Variants in BMPR2 observed in about 807,000 individuals in gnomAD.
BMPR2 encodes the protein bone morphogenetic protein receptor type 2, also known as bone morphogenetic protein receptor type-2.
In BMPR2, 29 loss-of-function variants were observed where a neutral mutation model predicts 100.8. The ratio of observed to expected loss-of-function variants is 0.29; its 90% CI spans 0.21 to 0.39. BMPR2 has a LOEUF of 0.39. Among genes scored for constraint, BMPR2 ranks in the 10% least tolerant of loss-of-function variants. The pLI is 1.00. For synonymous variants in BMPR2, 382 were observed against 442.3 expected (o/e 0.86, Z 1.71); for missense variants, 1,011 against 1,274.5 (o/e 0.79, Z 3.15).
intron 3 of BMPR2, among the ~76,000 whole-genome samples, chr2:202,478,415 T>C (rs1338728512): frequency 6.6e-6 from 1 of 152,192 alleles, no homozygotes; most frequent in African/African-American, 2.4e-5. Context: ...GAAGGCTATG[T>C]ATTTGGAATG....
chr2:202,429,357 ACTC>A (rs938162672), intron 1 of BMPR2, among the ~76,000 whole-genome samples: 9 of 120,750 alleles, frequency 7.5e-5, no homozygotes, highest in African/African-American at 2.1e-4. Flanking sequence ...TCCTACTACT[ACTC>A]CCCCTTTCCC....
intron 1 of BMPR2, among the ~76,000 whole-genome samples, chr2:202,422,012 G>A (rs1317771308): frequency 2.6e-5 from 4 of 151,522 alleles, no homozygotes; most frequent in Admixed American, 6.6e-5. Context: ...AGGTTCAAGC[G>A]GTTCTCCTGC....
chr2:202,555,316 T>G lies in BMPR2; in HGVS notation c.1651T>G (p.Tyr551Asp). ...TTATCCAGATTATTCTTCCTCCTCA[T>G]ACATTGAAGACTCTATCCATCATAC... ...GPYPDYSSSS[Y>D]IEDSIHHTDS... The change falls in exon 12 of 13, where the codon TAC becomes GAC. Residue 551 changes from tyrosine (Y) to aspartate (D), a missense_variant. Around this residue, in one of 6 missense-constraint regions of BMPR2, gnomAD observed 508 missense variants for 552.0 expected, o/e 0.92. Transcript: ENST00000374580. 6.2e-7 allele frequency: 1 copy of G among 1,614,198 alleles called. No homozygotes were observed. Among genetic ancestry groups the G allele is most frequent in the Non-Finnish European group, 8.5e-7 (1 of 1,180,012 alleles).
intron 1 of BMPR2, among the ~76,000 whole-genome samples, chr2:202,382,660 C>A (rs1690328381): frequency 6.6e-6 from 1 of 152,166 alleles, no homozygotes; most frequent in South Asian, 2.1e-4. Context: ...TTTATTGACT[C>A]AAATAACACA....
chr2:202,530,703 A>G, intron 7 of BMPR2, 91 bp from the exon 8 acceptor site: 5 of 1,211,894 alleles, frequency 4.1e-6, no homozygotes, highest in Non-Finnish European at 5.8e-6. Context: ...AATGGGCAGA[A>G]AAATAATACT....
chr2:202,539,616 C>T (rs931417019), intron 9 of BMPR2, among the ~76,000 whole-genome samples: 1 of 151,452 alleles, frequency 6.6e-6, no homozygotes, highest in Non-Finnish European at 1.5e-5. Flanking sequence ...GGTTACTTCT[C>T]TATAAAATGT....
intron 1 of BMPR2, among the ~76,000 whole-genome samples, chr2:202,416,625 C>T (rs1029591348): frequency 2.3e-4 from 34 of 150,696 alleles, no homozygotes; most frequent in Admixed American, 4.0e-4. Flanking sequence ...GGGGTTTCAC[C>T]GTGTTGGCCG....
At chr2:202,515,847 C>T (rs979161898) in intron 5 of BMPR2, among the ~76,000 whole-genome samples, 3 of 152,014 alleles carry the variant, frequency 2.0e-5, no homozygotes, top group Admixed American at 6.6e-5. Flanking sequence ...CAAGATCACG[C>T]CACTGCACTC....
chr2:202,441,462 T>C (rs1691740924), intron 1 of BMPR2, among the ~76,000 whole-genome samples: 1 of 146,658 alleles, frequency 6.8e-6, no homozygotes, highest in East Asian at 2.1e-4. Context: ...CCCAGCACTT[T>C]GGGAGGCCGA....
intron 1 of BMPR2, 133 bp downstream of exon 1, chr2:202,377,683 C>G: frequency 9.6e-7 from 1 of 1,039,492 alleles, no homozygotes. Flanking sequence ...AGCTGCGACC[C>G]GGTGCCTGCG....
At position 202,523,032 on chromosome 2, in the gene BMPR2, C is replaced by A. The variant is rs369916127; in HGVS notation, c.967+2831C>A. On this transcript the variant is annotated intron_variant, in intron 7 of 12. Coordinates refer to ENST00000374580, the MANE Select transcript of BMPR2 (RefSeq NM_001204.7). ...TGTATAAGGAACTTAAACAATTGAA[C>A]AAGCAAAAAACAAATAGCCACATTG... is the stretch of plus-strand genomic sequence containing the variant. 7.2e-5 allele frequency among the ~76,000 whole-genome samples: 11 copies of A among 152,124 alleles called. No individual in the cohort carries two copies. The East Asian group carries it at 1.9e-3, about 27-fold the overall frequency.
intron 1 of BMPR2, among the ~76,000 whole-genome samples, chr2:202,459,429 A>T (rs991714753): frequency 6.6e-6 from 1 of 152,160 alleles, no homozygotes; most frequent in South Asian, 2.1e-4. Context: ...AGATTGTTTC[A>T]TCACCCAGGT....
intron 1 of BMPR2, among the ~76,000 whole-genome samples, chr2:202,464,242 TCA>T (rs1692276324): frequency 6.6e-6 from 1 of 151,712 alleles, no homozygotes; most frequent in African/African-American, 2.4e-5. Context: ...AGTGAACAAT[TCA>T]GTTATTTTTT....
rs1159400445 is a variant in BMPR2, at chr2:202,380,965, C to CTTT, written c.76+3440_76+3442dup. On this transcript the variant is annotated intron_variant, in intron 1 of 12. Coordinates refer to ENST00000374580, the MANE Select transcript of BMPR2 (RefSeq NM_001204.7). Reference sequence around the variant, plus strand: ...GCCCTGGCCCTGGATTTCTTTCTTTCTTTTTTTTTTTTTTTTTTTTTTTTT... The same window carrying CTTT: ...GCCCTGGCCCTGGATTTCTTTCTTTCTTTTTTTTTTTTTTTTTTTTTTTTTTTT... Among the ~76,000 whole-genome samples, 21 of 70,788 alleles carry CTTT rather than the reference C, an allele frequency of 3.0e-4. 1 individual carries two copies. The highest frequency in any genetic ancestry group is 6.9e-4 in the African/African-American group (12 of 17,330). 46.4% of individuals were successfully genotyped at this position (70,788 alleles called of 152,430 possible).
chr2:202,440,472 C>T (rs571942704), intron 1 of BMPR2, among the ~76,000 whole-genome samples: 2 of 149,976 alleles, frequency 1.3e-5, no homozygotes, highest in South Asian at 4.2e-4. Flanking sequence ...AGGCGCTCCT[C>T]ACTTCCCAGA....
intron 7 of BMPR2, among the ~76,000 whole-genome samples, chr2:202,524,361 C>CAAA (rs768641807): frequency 8.2e-5 from 8 of 97,354 alleles, no homozygotes; most frequent in Non-Finnish European, 1.3e-4. Flanking sequence ...GAGTCTGTCT[C>CAAA]AAAAAAAAAA....
intron 1 of BMPR2, among the ~76,000 whole-genome samples, chr2:202,422,837 C>G (rs919140337): frequency 3.9e-5 from 6 of 151,974 alleles, no homozygotes; most frequent in African/African-American, 1.5e-4. Flanking sequence ...TCACCACACC[C>G]AGTTAATTTT....
intron 1 of BMPR2, among the ~76,000 whole-genome samples, chr2:202,398,395 A>T (rs527415546): frequency 1.4e-4 from 21 of 152,110 alleles, no homozygotes; most frequent in Middle Eastern, 6.8e-3. Flanking sequence ...CTTTTTTTTT[A>T]AAAAAAGCTA....
chr2:202,533,182 T>C (rs949399401), intron 9 of BMPR2, among the ~76,000 whole-genome samples: 17 of 152,122 alleles, frequency 1.1e-4, no homozygotes, highest in Non-Finnish European at 2.4e-4. Flanking sequence ...TTTCCTTCTT[T>C]CTTCCTTCCT....
Sources: allele counts gnomAD v4.1 joint callset (sites outside exome capture counted in the v4.1 genomes callset), GRCh38; gene constraint gnomAD v4.1.1; regional missense constraint gnomAD v4.1.1; transcripts MANE v1.5; gene names NCBI Gene and HGNC (gene_info 2026-07-23, HGNC 2026-07-21).